Variants in TRIM58 observed in about 807,000 individuals in gnomAD.
TRIM58 encodes tripartite motif containing 58.
A neutral mutation model predicts 34.1 loss-of-function variants in TRIM58; 38 were observed. That is an observed-to-expected ratio of 1.12 (90% CI 0.86 to 1.46). The LOEUF (loss-of-function observed/expected upper bound fraction) is 1.46. Ranked by LOEUF, TRIM58 falls within the 40% of genes most tolerant of loss-of-function variation. The pLI is 0.00. For missense variants in TRIM58, 677 were observed against 642.0 expected (o/e 1.05, Z -0.59); for synonymous variants, 273 against 275.7 (o/e 0.99, Z 0.10).
rs1442235163 is a variant in TRIM58 at position 247,878,809 on chromosome 1, C to T, written c.*2320C>T. 1.3e-5 allele frequency among the ~76,000 whole-genome samples: 2 copies of T among 152,222 alleles called. No individual in the cohort carries two copies. The highest frequency in any genetic ancestry group is 4.8e-5 in the African/African-American group (2 of 41,452). ...CAGTACTCTGGTCTCACTGTCTCTG[C>T]TGAATCCTGTCTCACTGTGCATATT... On this transcript the variant is annotated 3_prime_UTR_variant, in exon 6 of 6. Coordinates refer to ENST00000366481, the MANE Select transcript of TRIM58 (RefSeq NM_015431.4).
At chr1:247,857,871 C>T (rs1251669043) in intron 1 of TRIM58, among the ~76,000 whole-genome samples, 1 of 152,132 alleles carries the variant, frequency 6.6e-6, no homozygotes, top group East Asian at 1.9e-4. Context: ...CGACACACAC[C>T]CATTATTTTA....
At chr1:247,858,619 T>C (rs973031359) in intron 1 of TRIM58, among the ~76,000 whole-genome samples, 1 of 152,130 alleles carries the variant, frequency 6.6e-6, no homozygotes, top group Non-Finnish European at 1.5e-5. Flanking sequence ...TACCAATATC[T>C]CTCTTGGTAT....
intron 3 of TRIM58, among the ~76,000 whole-genome samples, chr1:247,866,215 GGCT>G (rs1663918067): frequency 6.6e-6 from 1 of 151,988 alleles, no homozygotes; most frequent in South Asian, 2.1e-4. Flanking sequence ...CTGTTGCCCA[GGCT>G]GAGTGCAGGG....
rs555502058 is a variant in TRIM58, at chr1:247,878,464, ACT to A, written c.*1980_*1981del. Reference sequence around the variant, plus strand: ...TGTTTGATCATGAGCGAACACTTCTACTCTCTGTGATAGATTTGCAAACAGAG... The same window carrying A: ...TGTTTGATCATGAGCGAACACTTCTACTCTGTGATAGATTTGCAAACAGAG... On this transcript the variant is annotated 3_prime_UTR_variant, in exon 6 of 6. Transcript: ENST00000366481. 1.3e-5 allele frequency among the ~76,000 whole-genome samples: 2 copies of A among 152,004 alleles called. No individual in the cohort carries two copies. The highest frequency in any genetic ancestry group is 4.2e-4 in the South Asian group (2 of 4,794).
chr1:247,857,702 G>C, intron 1 of TRIM58, 36 bp downstream of exon 1: 1 of 1,213,872 alleles, frequency 8.2e-7, no homozygotes, highest in Non-Finnish European at 1.0e-6. Context: ...CGGGCGCTGC[G>C]GTGACCGGGA....
At chr1:247,859,479 T>G (rs58773793) in intron 1 of TRIM58, among the ~76,000 whole-genome samples, 44,041 of 151,904 alleles carry the variant, frequency 0.29, 6,510 homozygotes, top group African/African-American at 0.33. Flanking sequence ...TTTGGGAATA[T>G]AATTTTTTAA....
At chr1:247,857,743 A>G (rs1163697098) in intron 1 of TRIM58, 77 bp downstream of exon 1, 33 of 1,197,638 alleles carry the variant, frequency 2.8e-5, no homozygotes, top group Non-Finnish European at 3.1e-5. Context: ...GGAGCCGCCG[A>G]GGCCACCCGT....
intron 2 of TRIM58, among the ~76,000 whole-genome samples, chr1:247,862,272 A>C (rs1663811125): frequency 6.6e-6 from 1 of 152,330 alleles, no homozygotes; most frequent in Admixed American, 6.5e-5. Flanking sequence ...ATGTGTGAAG[A>C]AATATTTAAA....
intron 5 of TRIM58, among the ~76,000 whole-genome samples, chr1:247,870,043 A>G (rs1279335220): frequency 6.6e-6 from 1 of 152,138 alleles, no homozygotes; most frequent in Non-Finnish European, 1.5e-5. Flanking sequence ...GTGGTTTGTG[A>G]CTAAAGTCTG....
rs12027924 is a variant in TRIM58 at position 247,866,356 on chromosome 1, C to A, written c.747+1421C>A. Reference sequence around the variant, plus strand: ...CGCACCTGGCTAATTTTTTTTTTTGCGTTTTTACTAGAGATGGGGTTTTGC... The same window carrying A: ...CGCACCTGGCTAATTTTTTTTTTTGAGTTTTTACTAGAGATGGGGTTTTGC... On this transcript the variant is annotated intron_variant, in intron 3 of 5. Coordinates refer to ENST00000366481, the MANE Select transcript of TRIM58 (RefSeq NM_015431.4). Among the ~76,000 whole-genome samples, 8 of 150,836 alleles carry A rather than the reference C, an allele frequency of 5.3e-5. No homozygotes were observed. In the South Asian group the frequency reaches 6.3e-4, roughly 12 times the overall value.
chr1:247,864,936 G>A lies in TRIM58; in HGVS notation c.747+1G>A. ...GCGCCCGGCCCTGGGTCTGCTGGAG[G>A]TGAGGCCGGGTGCCAGAAAAGCAGG... On this transcript the variant is annotated splice_donor_variant, in intron 3 of 5. Coordinates refer to ENST00000366481, the MANE Select transcript of TRIM58 (RefSeq NM_015431.4). LOFTEE classifies it high-confidence loss of function. The A allele has an allele frequency of 1.3e-6, 2 of 1,559,014 alleles. No homozygotes were observed. The highest frequency in any genetic ancestry group is 1.7e-6 in the Non-Finnish European group (2 of 1,151,306).
chr1:247,871,539 G>A (rs990028736), intron 5 of TRIM58, among the ~76,000 whole-genome samples: 4 of 152,172 alleles, frequency 2.6e-5, no homozygotes, highest in African/African-American at 9.7e-5. Flanking sequence ...GAGGGAAAGA[G>A]TGTAAAGTCC....
rs1572566522 is a variant in TRIM58 at position 247,857,316 on chromosome 1, C to T, written c.70C>T (p.Gln24Ter). The T allele has an allele frequency of 6.9e-7, 1 of 1,449,892 alleles. No individual in the cohort carries two copies. Among genetic ancestry groups the T allele is most frequent in the South Asian group, 1.5e-5 (1 of 67,776 alleles). The allele number at this position is 1,449,892 out of a possible 1,614,324, so 89.8% of individuals were successfully genotyped here. A position where few individuals can be genotyped will look rare whatever the true frequency, so the allele number is the denominator to read the frequency against. ...ARCPVCLDFL[Q>*]EPVSVDCGHS... The stretch of plus-strand genomic sequence containing the variant: ...GTGCCCGGTGTGCCTGGATTTCCTG[C>T]AGGAGCCGGTCAGCGTGGACTGCGG... Residue 24 changes from glutamine to a stop codon, truncating the protein, a stop_gained, in exon 1 of 6, where the codon CAG becomes TAG. Transcript: ENST00000366481. LOFTEE classifies it high-confidence loss of function.
At position 247,857,676 on chromosome 1, in the gene TRIM58, C is replaced by T; in HGVS notation, c.420+10C>T. 8.2e-7 allele frequency: 1 copy of T among 1,224,702 alleles called. No individual in the cohort carries two copies. The highest frequency in any genetic ancestry group is 3.6e-5 in the South Asian group (1 of 27,538). The allele number at this position is 1,224,702 out of a possible 1,614,324, so 75.9% of individuals were successfully genotyped here. A position where few individuals can be genotyped will look rare whatever the true frequency, so the allele number is the denominator to read the frequency against. ...CGCCGGCAGCTACCAGGTGAGGCGC[C>T]CCCCGGCGGGGGCTGCGGGCGCTGC... is the stretch of plus-strand genomic sequence containing the variant. On this transcript the variant is annotated intron_variant, in intron 1 of 5. Coordinates refer to ENST00000366481, the MANE Select transcript of TRIM58 (RefSeq NM_015431.4).
rs199550056 is a variant in TRIM58 at position 247,872,736 on chromosome 1, TGA to T, written c.872-3153_872-3152del. 1.8e-3 allele frequency among the ~76,000 whole-genome samples: 273 copies of T among 151,362 alleles called. 3 individuals carry two copies. The highest frequency in any genetic ancestry group is 4.0e-3 in the South Asian group (19 of 4,770). ...GCACCCGGGTAGATAGGGAGTGAGG[TGA>T]GAGAGAGAGAAGAAGTCCAAGTCTT... On this transcript the variant is annotated intron_variant, in intron 5 of 5. Coordinates refer to ENST00000366481, the MANE Select transcript of TRIM58 (RefSeq NM_015431.4).
chr1:247,866,934 C>A (rs1484803957), intron 3 of TRIM58, among the ~76,000 whole-genome samples: 1 of 152,090 alleles, frequency 6.6e-6, no homozygotes, highest in Non-Finnish European at 1.5e-5. Context: ...CAAATTATTC[C>A]CCTGCTTTTA....
intron 1 of TRIM58, 117 bp downstream of exon 1, chr1:247,857,783 C>A (rs1572567089): frequency 1.3e-5 from 15 of 1,178,166 alleles, no homozygotes; most frequent in African/African-American, 1.6e-5. Flanking sequence ...GCCGCTCCCC[C>A]CACCGCGCGC....
Position 247,857,487 on chromosome 1 carries a change from A to G in TRIM58, c.241A>G (p.Ser81Gly). 7.6e-7 allele frequency: 1 copy of G among 1,320,620 alleles called. No individual in the cohort carries two copies. Among genetic ancestry groups the G allele is most frequent in the Non-Finnish European group, 9.7e-7 (1 of 1,035,392 alleles). The allele number at this position is 1,320,620 out of a possible 1,614,324, so 81.8% of individuals were successfully genotyped here. A position where few individuals can be genotyped will look rare whatever the true frequency, so the allele number is the denominator to read the frequency against. The change falls in exon 1 of 6, where the codon AGC becomes GGC. Residue 81 changes from serine to glycine, a missense_variant. Physicochemically the swap from Ser to Gly is moderately conservative, Grantham distance 56. Transcript: ENST00000366481. ...CCGGCAGCTGGCGGGCCTGGTGGAGAGCGTGCGGCGGCTGGGGTTGGGCGC... is the reference window on the plus strand; with the variant it reads ...CCGGCAGCTGGCGGGCCTGGTGGAGGGCGTGCGGCGGCTGGGGTTGGGCGC... ...PNRQLAGLVE[S>G]VRRLGLGAGP...
In TRIM58 at chr1:247,875,901, G is replaced by A; in HGVS notation, c.873G>A (p.Val291=). The A allele has an allele frequency of 6.2e-7, 1 of 1,606,692 alleles. No homozygotes were observed. Among genetic ancestry groups the A allele is most frequent in the Non-Finnish European group, 8.5e-7 (1 of 1,175,496 alleles). The change falls in exon 6 of 6, where the codon GTG becomes GTA. Residue 291 remains valine, a splice_region_variant and synonymous_variant. Coordinates refer to ENST00000366481, the MANE Select transcript of TRIM58 (RefSeq NM_015431.4). Reference sequence around the variant, plus strand: ...TGGTCCACCACATTCTTTCCGCAGTGGATGTAAAGCTGGATCCCGCCACGG... The same window carrying A: ...TGGTCCACCACATTCTTTCCGCAGTAGATGTAAAGCTGGATCCCGCCACGG... ...GRRELLRKFQ[V]DVKLDPATAH... is the part of the protein sequence containing the mutation.
Sources: allele counts gnomAD v4.1 joint callset (sites outside exome capture counted in the v4.1 genomes callset), GRCh38; gene constraint gnomAD v4.1.1; transcripts MANE v1.5; gene names NCBI Gene and HGNC (gene_info 2026-07-23, HGNC 2026-07-21).